The following ABL2 variants were observed in gnomAD, a reference collection of about 807,000 sequenced individuals.
ABL2 encodes the protein ABL proto-oncogene 2, non-receptor tyrosine kinase.
In ABL2, 49 loss-of-function variants were observed where a neutral mutation model predicts 107.7. That is an observed-to-expected ratio of 0.45 (90% CI 0.36 to 0.58). The LOEUF (loss-of-function observed/expected upper bound fraction) is 0.58. Among genes scored for constraint, ABL2 ranks in the 20% least tolerant of loss-of-function variants. The pLI is 0.00. For missense variants in ABL2, 1,245 were observed against 1,457.0 expected (o/e 0.85, Z 2.37); for synonymous variants, 549 against 548.6 (o/e 1.00, Z -0.01).
At chr1:179,218,947 T>C (rs1255152077) in intron 1 of ABL2, among the ~76,000 whole-genome samples, 1 of 152,206 alleles carries the variant, frequency 6.6e-6, no homozygotes. Context: ...TCTGTTAACA[T>C]GGAAAAGGTT....
chr1:179,162,406 G>A (rs746981500), intron 1 of ABL2, among the ~76,000 whole-genome samples: 74 of 152,098 alleles, frequency 4.9e-4, no homozygotes, highest in Non-Finnish European at 6.2e-4. Flanking sequence ...CCAATATGGC[G>A]AAACCCCTTC....
chr1:179,119,541 C>T (rs1038631545), intron 6 of ABL2, among the ~76,000 whole-genome samples: 4 of 148,214 alleles, frequency 2.7e-5, no homozygotes, highest in African/African-American at 7.4e-5. Context: ...ACACCCCCCA[C>T]ACCCCCCCAA....
chr1:179,190,523 G>T lies in ABL2; in HGVS notation c.157+38718C>A, dbSNP rs78118215. Among the ~76,000 whole-genome samples, 1,480 of 152,136 alleles carry T rather than the reference G, an allele frequency of 9.7e-3. 11 individuals carry two copies. Among genetic ancestry groups the T allele is most frequent in the Non-Finnish European group, 0.014 (958 of 68,012 alleles). On this transcript the variant is annotated intron_variant, in intron 1 of 11. Coordinates refer to ENST00000502732, the MANE Select transcript of ABL2 (RefSeq NM_007314.4). ...GAAGCTTCATTACATAGGCATAGTT[G>T]ATTAAATCACTGGCCATTGTTGATG...
intron 1 of ABL2, among the ~76,000 whole-genome samples, chr1:179,207,582 C>G (rs1350652160): frequency 6.6e-6 from 1 of 152,098 alleles, no homozygotes; most frequent in Non-Finnish European, 1.5e-5. Context: ...TAATCATGCA[C>G]TAGCTGAGAA....
chr1:179,110,850 T>C, intron 10 of ABL2: 1 of 1,614,022 alleles, frequency 6.2e-7, no homozygotes, highest in South Asian at 1.1e-5. Flanking sequence ...GGAGAACTGG[T>C]GGATCACAGG....
In ABL2 at chr1:179,110,387, T is replaced by C. The variant is rs1364755720; in HGVS notation, c.1720A>G (p.Ile574Val). 12 of 1,614,050 alleles carry C rather than the reference T, an allele frequency of 7.4e-6. No individual in the cohort carries two copies. The highest frequency in any genetic ancestry group is 6.7e-5 in the Admixed American group (4 of 60,006). Residue 574 changes from isoleucine to valine, a missense_variant, in exon 11 of 12, where the codon ATA (isoleucine) becomes GTA (valine). Ile to Val is a conservative substitution (Grantham distance 29). This residue lies in a region of ABL2 where 761 missense variants were observed against 766.4 expected (regional missense o/e 0.99). Coordinates refer to ENST00000502732, the MANE Select transcript of ABL2 (RefSeq NM_007314.4). Reference sequence around the variant, plus strand: ...AGTGTCCGAGTCTTGGAAGGAAGTATAGGTAGCCGGGGCAGGTATGGAACA... The same window carrying C: ...AGTGTCCGAGTCTTGGAAGGAAGTACAGGTAGCCGGGGCAGGTATGGAACA... ...SVVPYLPRLP[I>V]LPSKTRTLKK... is the part of the protein sequence containing the mutation.
chr1:179,118,930 G>T (rs1424736374), intron 6 of ABL2, among the ~76,000 whole-genome samples, 166 bp from the exon 7 acceptor site: 1 of 152,042 alleles, frequency 6.6e-6, no homozygotes, highest in Non-Finnish European at 1.5e-5. Context: ...TAAGAAGCTG[G>T]TTTATAAGGG....
intron 1 of ABL2, among the ~76,000 whole-genome samples, chr1:179,193,912 T>A (rs1056798698): frequency 5.9e-5 from 9 of 151,892 alleles, no homozygotes; most frequent in Non-Finnish European, 1.3e-4. Context: ...TTTTTTGTAT[T>A]TTTTTAGTAG....
rs1041745825 is a variant in ABL2, at chr1:179,229,639, C to T, written c.-242G>A. 40 of 501,326 alleles carry T rather than the reference C, an allele frequency of 8.0e-5. No homozygotes were observed. In the Middle Eastern group the frequency reaches 3.6e-3, roughly 46 times the overall value. 31.1% of individuals were successfully genotyped at this position (501,326 alleles called of 1,614,324 possible). A position where few individuals can be genotyped will look rare whatever the true frequency, so the allele number is the denominator to read the frequency against. Reference sequence around the variant, plus strand: ...CGCGGCTCCGCGCCCCCAACGCCGCCGCCGCCGCCGCCGCCACCGCCGCCG... The same window carrying T: ...CGCGGCTCCGCGCCCCCAACGCCGCTGCCGCCGCCGCCGCCACCGCCGCCG... On this transcript the variant is annotated 5_prime_UTR_variant, in exon 1 of 12. Coordinates refer to ENST00000502732, the MANE Select transcript of ABL2 (RefSeq NM_007314.4).
intron 1 of ABL2, 74 bp downstream of exon 1, chr1:179,229,167 T>TACCCC: frequency 2.5e-6 from 1 of 402,570 alleles, no homozygotes. Flanking sequence ...GGGCAGCCCG[T>TACCCC]CCGCCACCCA....
At chr1:179,185,308 C>T (rs1338614497) in intron 1 of ABL2, among the ~76,000 whole-genome samples, 3 of 152,170 alleles carry the variant, frequency 2.0e-5, no homozygotes, top group East Asian at 1.9e-4. Flanking sequence ...GACATCCTTG[C>T]AGTTTAAGGT....
chr1:179,140,333 T>C (rs994257257), intron 1 of ABL2, among the ~76,000 whole-genome samples: 2 of 152,234 alleles, frequency 1.3e-5, no homozygotes, highest in Non-Finnish European at 1.5e-5. Flanking sequence ...CACCAAATGT[T>C]ACCTTCTCAG....
chr1:179,190,541 TGTTGATGAC>T (rs951791623), intron 1 of ABL2, among the ~76,000 whole-genome samples: 53 of 152,192 alleles, frequency 3.5e-4, no homozygotes, highest in African/African-American at 9.1e-4. Flanking sequence ...CACTGGCCAT[TGTTGATGAC>T]GTTGATGACG....
rs111495165 is a variant in ABL2 at position 179,100,844 on chromosome 1, C to A, written c.*6874G>T. 2.6e-4 allele frequency: 61 copies of A among 232,792 alleles called. No individual in the cohort carries two copies. The highest frequency in any genetic ancestry group is 1.2e-3 in the African/African-American group (54 of 45,432). The allele number at this position is 232,792 out of a possible 1,614,324, so 14.4% of individuals were successfully genotyped here. A position where few individuals can be genotyped will look rare whatever the true frequency, so the allele number is the denominator to read the frequency against. On this transcript the variant is annotated 3_prime_UTR_variant, in exon 12 of 12. Coordinates refer to ENST00000502732, the MANE Select transcript of ABL2 (RefSeq NM_007314.4). ...TTCCCCTTCAACACGCCAGCTGCTC[C>A]CTCAGAGTGAACAGGGCTTTGCTAC... is the stretch of plus-strand genomic sequence containing the variant.
intron 3 of ABL2, among the ~76,000 whole-genome samples, chr1:179,130,671 T>G (rs1229852500): frequency 2.6e-5 from 4 of 151,864 alleles, no homozygotes; most frequent in Non-Finnish European, 5.9e-5. Context: ...CGTGGGAAAT[T>G]CTTATAAAAG....
chr1:179,164,553 ATGT>A (rs1188591102), intron 1 of ABL2, among the ~76,000 whole-genome samples: 1 of 152,168 alleles, frequency 6.6e-6, no homozygotes, highest in Non-Finnish European at 1.5e-5. Flanking sequence ...GATGAAAGGA[ATGT>A]GCCAATCCTC....
At chr1:179,195,196 G>A (rs1250289018) in intron 1 of ABL2, among the ~76,000 whole-genome samples, 2 of 152,172 alleles carry the variant, frequency 1.3e-5, no homozygotes, top group Non-Finnish European at 2.9e-5. Flanking sequence ...GCTGAGGCAA[G>A]AGAATCGCTG....
chr1:179,229,295 G>A lies in ABL2; in HGVS notation c.103C>T (p.Arg35Trp), dbSNP rs2124888805. ...TCTGTGGTGCGCCCCGCCGGGTCCC[G>A]CCTGCGGCCGGAGGGCCTGGCTGCA... ...SSAARPSGRR[R>W]DPAGRTTETG... The change falls in exon 1 of 12, where the codon CGG becomes TGG. Residue 35 changes from arginine to tryptophan, a missense_variant. Coordinates refer to ENST00000502732, the MANE Select transcript of ABL2 (RefSeq NM_007314.4). 4 of 1,575,492 alleles carry A rather than the reference G, an allele frequency of 2.5e-6. No homozygotes were observed. The highest frequency in any genetic ancestry group is 2.6e-6 in the Non-Finnish European group (3 of 1,162,866).
At chr1:179,160,030 C>A (rs966817160) in intron 1 of ABL2, among the ~76,000 whole-genome samples, 2 of 152,136 alleles carry the variant, frequency 1.3e-5, no homozygotes, top group Non-Finnish European at 2.9e-5. Context: ...AGGAGAATTG[C>A]TTGAACCCGG....
Sources: allele counts gnomAD v4.1 joint callset (sites outside exome capture counted in the v4.1 genomes callset), GRCh38; gene constraint gnomAD v4.1.1; regional missense constraint gnomAD v4.1.1; transcripts MANE v1.5; gene names NCBI Gene and HGNC (gene_info 2026-07-23, HGNC 2026-07-21).